The following CALD1 variants were observed in gnomAD, a reference collection of about 807,000 sequenced individuals.
The protein encoded by CALD1 is caldesmon 1.
Under a neutral mutation model 99.9 loss-of-function variants are expected in CALD1, and 33 were observed. The ratio of observed to expected loss-of-function variants is 0.33; its 90% CI spans 0.25 to 0.44. The LOEUF is 0.44. Ranked by LOEUF, CALD1 falls within the 20% of genes least tolerant of loss-of-function variation. The pLI, the probability that CALD1 is intolerant of heterozygous loss-of-function variation, is 1.00. For missense variants in CALD1, 861 were observed against 962.1 expected, an observed-to-expected ratio of 0.89 and a Z score of 1.39; for synonymous variants, 310 against 325.0, an observed-to-expected ratio of 0.95 and a Z score of 0.50.
intron 3 of CALD1, among the ~76,000 whole-genome samples, chr7:134,888,531 A>G (rs1405528573): frequency 6.6e-6 from 1 of 151,736 alleles, no homozygotes; most frequent in Non-Finnish European, 1.5e-5. Flanking sequence ...GTCTCAGAGG[A>G]CTCTTGGAAG....
At chr7:134,802,223 A>G (rs1563011624) in intron 1 of CALD1, among the ~76,000 whole-genome samples, 1 of 151,980 alleles carries the variant, frequency 6.6e-6, no homozygotes, top group Non-Finnish European at 1.5e-5. Context: ...ATATATGTCA[A>G]TTTCCATTAC....
chr7:134,743,518 T>G (rs1202172577), upstream of CALD1, among the ~76,000 whole-genome samples: 3 of 152,196 alleles, frequency 2.0e-5, no homozygotes, highest in Admixed American at 6.5e-5. Flanking sequence ...ATACTTAACT[T>G]CTTTCCTCTG....
At chr7:134,735,194 T>C in the CALD1 span, 2 of 152,368 alleles carry the variant, frequency 1.3e-5, no homozygotes, top group African/African-American at 4.8e-5. Flanking sequence ...TTGACATTCA[T>C]TGTTTTCAAT....
chr7:134,856,206 G>A (rs907263657), intron 2 of CALD1, among the ~76,000 whole-genome samples: 26 of 152,292 alleles, frequency 1.7e-4, no homozygotes, highest in African/African-American at 6.3e-4. Context: ...GCTTTAGCGA[G>A]GAAACAGGCA....
At chr7:134,906,281 C>T (rs1803378047) in intron 3 of CALD1, among the ~76,000 whole-genome samples, 2 of 152,130 alleles carry the variant, frequency 1.3e-5, no homozygotes, top group African/African-American at 4.8e-5. Flanking sequence ...AGCCAGAGAA[C>T]TGAGACCTGG....
Position 134,958,257 on chromosome 7 carries a change from C to T in CALD1, c.2028C>T (p.Asp676=). 1 of 1,613,954 alleles carries T rather than the reference C, an allele frequency of 6.2e-7. No individual in the cohort carries two copies. The highest frequency in any genetic ancestry group is 1.3e-5 in the African/African-American group (1 of 74,992). Residue 676 remains aspartate (D), a synonymous_variant, in exon 11 of 15, where the codon GAC becomes GAT. Transcript: ENST00000361675. ...AAGCAGCAATAGTCTCCAAGATTGACAGCAGACTGGAGCAGTATACCAGTG... is the reference window on the plus strand; with the variant it reads ...AAGCAGCAATAGTCTCCAAGATTGATAGCAGACTGGAGCAGTATACCAGTG... The part of the protein sequence containing the change: ...THQAAIVSKI[D]SRLEQYTSAI...
chr7:134,838,700 A>G (rs1361434195), intron 1 of CALD1, among the ~76,000 whole-genome samples: 1 of 152,244 alleles, frequency 6.6e-6, no homozygotes, highest in African/African-American at 2.4e-5. Flanking sequence ...AGCCTTCCCA[A>G]CTACAATTCT....
chr7:134,739,427 ATG>A (rs1351278486), upstream of CALD1, among the ~76,000 whole-genome samples: 10 of 152,216 alleles, frequency 6.6e-5, no homozygotes, highest in African/African-American at 2.4e-4. Context: ...ATGAAATAGC[ATG>A]TGAGTCCCAC....
At chr7:134,947,206 T>G (rs1806949058) in intron 7 of CALD1, among the ~76,000 whole-genome samples, 1 of 152,202 alleles carries the variant, frequency 6.6e-6, no homozygotes, top group Non-Finnish European at 1.5e-5. Context: ...GTGGTAGTTC[T>G]CTTGTTGATT....
At chr7:134,732,990 A>G in the CALD1 span, among the ~76,000 whole-genome samples, 1 of 152,188 alleles carries the variant, frequency 6.6e-6, no homozygotes, top group Non-Finnish European at 1.5e-5. Context: ...TGGAACTCAC[A>G]CGACACTGAT....
chr7:134,963,950 G>A (rs1322692853), intron 13 of CALD1, among the ~76,000 whole-genome samples: 1 of 152,224 alleles, frequency 6.6e-6, no homozygotes, highest in East Asian at 1.9e-4. Context: ...TGTAATCCCA[G>A]CACTTTGAGA....
At chr7:134,931,745 A>T (rs566853413) in intron 4 of CALD1, among the ~76,000 whole-genome samples, 2 of 152,326 alleles carry the variant, frequency 1.3e-5, no homozygotes, top group East Asian at 3.9e-4. Flanking sequence ...GAGGTGATGG[A>T]CAACAGTTTA....
chr7:134,801,743 C>A (rs933406292), intron 1 of CALD1, among the ~76,000 whole-genome samples: 1 of 152,040 alleles, frequency 6.6e-6, no homozygotes, highest in Non-Finnish European at 1.5e-5. Flanking sequence ...CTTAGCCTCC[C>A]GTGTAGCTGG....
chr7:134,835,176 A>G (rs1196380105), intron 1 of CALD1, among the ~76,000 whole-genome samples: 1 of 152,184 alleles, frequency 6.6e-6, no homozygotes, highest in Non-Finnish European at 1.5e-5. Context: ...GGCTACACAT[A>G]CTGATGGTTT....
chr7:134,806,173 C>T (rs942956683), intron 1 of CALD1, among the ~76,000 whole-genome samples: 1 of 152,214 alleles, frequency 6.6e-6, no homozygotes, highest in African/African-American at 2.4e-5. Flanking sequence ...CATAGTTTCC[C>T]CATTTGCCTT....
intron 1 of CALD1, among the ~76,000 whole-genome samples, chr7:134,768,646 G>C (rs538875394): frequency 1.3e-5 from 2 of 152,014 alleles, no homozygotes; most frequent in Non-Finnish European, 2.9e-5. Context: ...CTAGTTCTCT[G>C]GGGGGAGAAT....
chr7:134,728,858 T>C, the CALD1 span, among the ~76,000 whole-genome samples: 18 of 149,444 alleles, frequency 1.2e-4, no homozygotes, highest in Admixed American at 2.7e-4. Flanking sequence ...TTTTTTTTTT[T>C]TTTTTTTTTT....
chr7:134,886,222 T>C (rs1007586047), intron 3 of CALD1, among the ~76,000 whole-genome samples: 2 of 152,156 alleles, frequency 1.3e-5, no homozygotes, highest in African/African-American at 4.8e-5. Flanking sequence ...GGGCTCAAGC[T>C]TTCTGGTCTC....
intron 1 of CALD1, among the ~76,000 whole-genome samples, chr7:134,787,167 C>A (rs1015097519): frequency 6.6e-6 from 1 of 152,068 alleles, no homozygotes; most frequent in Non-Finnish European, 1.5e-5. Context: ...ATCCGTTTGG[C>A]CAGAAGAGCA....
Sources: gnomAD v4.1 joint callset for allele counts (sites outside exome capture counted in the v4.1 genomes callset) on GRCh38, gnomAD v4.1.1 for gene constraint, MANE v1.5 for transcripts, NCBI Gene and HGNC (gene_info 2026-07-23, HGNC 2026-07-21) for gene names.